CXADR: variants seen among roughly 807,000 people sequenced by gnomAD.
CXADR encodes coxsackievirus and adenovirus receptor.
A neutral mutation model predicts 40.3 loss-of-function variants in CXADR; 20 were observed. That is an observed-to-expected ratio of 0.50 (90% CI 0.35 to 0.72). The LOEUF is 0.72. CXADR is among the 30% of genes least tolerant of loss of function. The pLI, the probability that CXADR is intolerant of heterozygous loss-of-function variation, is 0.01. For missense variants in CXADR, 332 were observed against 449.1 expected (o/e 0.74, Z 2.36); for synonymous variants, 150 against 161.3 (o/e 0.93, Z 0.53).
chr21:17,538,171 T>C (rs184282305), intron 1 of CXADR, among the ~76,000 whole-genome samples: 1 of 149,886 alleles, frequency 6.7e-6, no homozygotes, highest in East Asian at 2.0e-4. Flanking sequence ...CCGGCTAATT[T>C]TTATATTTTA....
chr21:17,561,243 C>CAA, intron 5 of CXADR, 95 bp from the exon 6 acceptor site: 1 of 717,224 alleles, frequency 1.4e-6, no homozygotes, highest in Non-Finnish European at 2.1e-6. Flanking sequence ...AAAGTTAACA[C>CAA]GTGATGAAAT....
chr21:17,542,788 G>A (rs986479731), intron 1 of CXADR, among the ~76,000 whole-genome samples: 3 of 152,210 alleles, frequency 2.0e-5, no homozygotes, highest in East Asian at 1.9e-4. Flanking sequence ...CAACCTGCAA[G>A]TAGTTTGCAA....
chr21:17,607,730 CAAAT>C, the CXADR span, among the ~76,000 whole-genome samples: 2 of 152,184 alleles, frequency 1.3e-5, no homozygotes, highest in Non-Finnish European at 2.9e-5. Context: ...TCAATATACA[CAAAT>C]AAAAGAGTAT....
At chr21:17,596,241 C>T (rs1431648157), downstream of CXADR, among the ~76,000 whole-genome samples, 1 of 151,916 alleles carries the variant, frequency 6.6e-6, no homozygotes, top group African/African-American at 2.4e-5. Context: ...CTATGGTTTG[C>T]CCATTTTCTT....
intron 3 of CXADR, 70 bp downstream of exon 3, chr21:17,552,023 A>C (rs1003745429): frequency 5.2e-6 from 6 of 1,162,340 alleles, no homozygotes; most frequent in Non-Finnish European, 7.6e-6. Context: ...CTGTAGTAGC[A>C]GCACTTGTAT....
chr21:17,559,678 T>G (rs77800622), intron 4 of CXADR, among the ~76,000 whole-genome samples: 22,414 of 144,794 alleles, frequency 0.15, 2,265 homozygotes, highest in East Asian at 0.24. Flanking sequence ...GGTTTTTTTT[T>G]TTTTTTTTTT....
the CXADR span, among the ~76,000 whole-genome samples, chr21:17,633,576 T>C: frequency 8.5e-5 from 13 of 152,082 alleles, no homozygotes; most frequent in Non-Finnish European, 1.9e-4. Flanking sequence ...GAAAAGATTG[T>C]CCCCACATAG....
At position 17,570,025 on chromosome 21, in the gene CXADR, C is replaced by G. The variant is rs189080132; in HGVS notation, c.*4333C>G. On this transcript the variant is annotated 3_prime_UTR_variant, in exon 7 of 7. Transcript: ENST00000284878. Reference sequence around the variant, plus strand: ...GTGCAGATTTTGAAATTTGTAAGAACAAAATTTGTTAAGAAAAACAACTTG... The same window carrying G: ...GTGCAGATTTTGAAATTTGTAAGAAGAAAATTTGTTAAGAAAAACAACTTG... 264 of 985,318 alleles carry G rather than the reference C, an allele frequency of 2.7e-4. 1 individual carries two copies. The African/African-American group carries it at 4.3e-3, about 16-fold the overall frequency. 61.0% of individuals were successfully genotyped at this position (985,318 alleles called of 1,614,324 possible).
At chr21:17,623,405 G>A in the CXADR span, among the ~76,000 whole-genome samples, 10 of 151,820 alleles carry the variant, frequency 6.6e-5, no homozygotes, top group Non-Finnish European at 1.2e-4. Context: ...TGATATGTTT[G>A]TATTCACAAA....
intron 1 of CXADR, among the ~76,000 whole-genome samples, chr21:17,523,837 T>G (rs1274275881): frequency 6.6e-6 from 1 of 151,998 alleles, no homozygotes; most frequent in Admixed American, 6.6e-5. Context: ...CAATTGGGTT[T>G]GGATTTAGGT....
chr21:17,551,378 C>T (rs769534788), intron 2 of CXADR, among the ~76,000 whole-genome samples: 9 of 151,976 alleles, frequency 5.9e-5, no homozygotes, highest in Non-Finnish European at 1.2e-4. Flanking sequence ...GGGCCACAGA[C>T]ACAGACTCCA....
At chr21:17,625,389 C>G in the CXADR span, among the ~76,000 whole-genome samples, 1 of 151,924 alleles carries the variant, frequency 6.6e-6, no homozygotes, top group Non-Finnish European at 1.5e-5. Flanking sequence ...GTTGCCAACA[C>G]AAAGAAAAGT....
chr21:17,518,700 A>G, intron 1 of CXADR: 1 of 1,608,592 alleles, frequency 6.2e-7, no homozygotes, highest in Admixed American at 1.7e-5. Flanking sequence ...TTAATATTCC[A>G]GGTATCATTT....
At chr21:17,570,665 T>C (rs151315814), downstream of CXADR, among the ~76,000 whole-genome samples, 834 of 152,298 alleles carry the variant, frequency 5.5e-3, 8 homozygotes, top group South Asian at 0.034. Context: ...ACGTTGAGTA[T>C]TAAGATTTCA....
the CXADR span, among the ~76,000 whole-genome samples, chr21:17,628,506 C>CTT: frequency 2.0e-5 from 3 of 146,380 alleles, no homozygotes; most frequent in African/African-American, 5.0e-5. Flanking sequence ...TGTCCCAGTT[C>CTT]TTTTTTTTTT....
At chr21:17,628,434 C>T in the CXADR span, among the ~76,000 whole-genome samples, 1 of 151,976 alleles carries the variant, frequency 6.6e-6, no homozygotes, top group African/African-American at 2.4e-5. Flanking sequence ...CCATTGCCGG[C>T]GGGCTTGAGA....
chr21:17,625,406 G>A, the CXADR span, among the ~76,000 whole-genome samples: 1 of 151,896 alleles, frequency 6.6e-6, no homozygotes, highest in East Asian at 1.9e-4. Context: ...AAGTGTTTGA[G>A]GTGATAAATA....
chr21:17,599,341 C>T, the CXADR span, among the ~76,000 whole-genome samples: 1 of 152,066 alleles, frequency 6.6e-6, no homozygotes, highest in Admixed American at 6.6e-5. Context: ...CCACCATGCT[C>T]AGCTAATTTA....
chr21:17,551,159 G>A (rs997107840), intron 2 of CXADR, among the ~76,000 whole-genome samples: 3 of 152,116 alleles, frequency 2.0e-5, no homozygotes, highest in Admixed American at 1.3e-4. Context: ...CAGCACTTTG[G>A]GAAGCCAAGG....
Sources: gnomAD v4.1 joint callset for allele counts (sites outside exome capture counted in the v4.1 genomes callset) on GRCh38, gnomAD v4.1.1 for gene constraint, MANE v1.5 for transcripts, NCBI Gene and HGNC (gene_info 2026-07-23, HGNC 2026-07-21) for gene names.